The following STS variants were observed in gnomAD, a reference collection of about 807,000 sequenced individuals.
STS encodes the protein steroid sulfatase.
A neutral mutation model predicts 26.8 loss-of-function variants in STS; 7 were observed. The observed-to-expected ratio is 0.26, with a 90% CI of 0.15 to 0.49. The LOEUF (loss-of-function observed/expected upper bound fraction) is 0.49, where lower values mean the gene tolerates loss of function less well. Ranked by LOEUF, STS falls within the 20% of genes least tolerant of loss-of-function variation. The pLI is 0.98. For synonymous variants in STS, 199 were observed against 189.4 expected (o/e 1.05, Z -0.42); for missense variants, 434 against 465.6 (o/e 0.93, Z 0.63).
chrX:7,244,496 GA>G (rs1400152636), intron 2 of STS, among the ~76,000 whole-genome samples: 1 of 111,813 alleles, frequency 8.9e-6, no homozygotes, highest in Non-Finnish European at 1.9e-5. Context: ...GGAGCAGAGG[GA>G]ATGAATTGCA....
intron 1 of STS, among the ~76,000 whole-genome samples, chrX:7,156,852 A>G (rs1205427260): frequency 8.9e-6 from 1 of 112,160 alleles, no homozygotes; most frequent in Non-Finnish European, 1.9e-5. Flanking sequence ...CATGTAACAC[A>G]CATAGGAGGA....
At chrX:7,246,406 A>G (rs1282027772) in intron 2 of STS, among the ~76,000 whole-genome samples, 3 of 109,807 alleles carry the variant, frequency 2.7e-5, no homozygotes, top group African/African-American at 9.9e-5. Context: ...GGTTCGCGCC[A>G]TTCTCCTGCC....
chrX:7,313,959 T>C (rs150041325), intron 8 of STS, among the ~76,000 whole-genome samples: 1,197 of 111,833 alleles, frequency 0.011, 8 homozygotes, highest in Middle Eastern at 0.069. Context: ...ATTTTGCAGG[T>C]TGACGTTTTG....
At chrX:7,250,127 C>T (rs181234455) in intron 2 of STS, among the ~76,000 whole-genome samples, 2 of 110,048 alleles carry the variant, frequency 1.8e-5, no homozygotes, top group African/African-American at 6.6e-5. Context: ...TAGGAACTTA[C>T]ATATTTCCCA....
intron 1 of STS, among the ~76,000 whole-genome samples, chrX:7,154,504 T>C (rs1358025131): frequency 2.7e-5 from 3 of 112,442 alleles, no homozygotes; most frequent in African/African-American, 9.7e-5. Flanking sequence ...TGTTACTTCA[T>C]TGACTCGGCA....
chrX:7,309,625 G>C (rs1025950751), intron 8 of STS, among the ~76,000 whole-genome samples: 1 of 110,850 alleles, frequency 9.0e-6, no homozygotes, highest in Non-Finnish European at 1.9e-5. Flanking sequence ...GGCTAAATTT[G>C]GTAGAATGGC....
chrX:7,289,778 G>A (rs1272030627), intron 7 of STS, among the ~76,000 whole-genome samples: 2 of 111,580 alleles, frequency 1.8e-5, no homozygotes, highest in African/African-American at 6.5e-5. Flanking sequence ...CCAAGTAGCA[G>A]GGACTATAAG....
chrX:7,334,318 G>T (rs1422907255), intron 10 of STS, among the ~76,000 whole-genome samples: 3 of 111,030 alleles, frequency 2.7e-5, no homozygotes, highest in African/African-American at 6.6e-5. Context: ...ACATCAGAAG[G>T]CCATGTCATT....
chrX:7,325,318 A>G (rs1158438996), intron 8 of STS, 21 bp from the exon 9 acceptor site: 3 of 1,208,233 alleles, frequency 2.5e-6, no homozygotes, highest in Non-Finnish European at 3.4e-6. Context: ...GTTGCCTCTT[A>G]CCTCTTTTTT....
chrX:7,306,111 G>A (rs945655835), intron 8 of STS, among the ~76,000 whole-genome samples: 1 of 111,434 alleles, frequency 9.0e-6, no homozygotes, highest in South Asian at 3.8e-4. Context: ...CTACTGGCTT[G>A]TATAGTGTAT....
intron 6 of STS, among the ~76,000 whole-genome samples, chrX:7,260,859 C>A (rs1164077578): frequency 8.9e-6 from 1 of 111,872 alleles, no homozygotes; most frequent in Non-Finnish European, 1.9e-5. Flanking sequence ...AAAACAAAAA[C>A]CTCTGTGAGT....
chrX:7,166,076 C>T (rs1453387246), intron 1 of STS, among the ~76,000 whole-genome samples: 1 of 104,777 alleles, frequency 9.5e-6, no homozygotes, highest in Middle Eastern at 5.0e-3. Context: ...GGCGTGATTA[C>T]GGCTCGCTGC....
intron 2 of STS, among the ~76,000 whole-genome samples, chrX:7,234,067 C>T (rs1446972541): frequency 8.9e-6 from 1 of 112,215 alleles, no homozygotes; most frequent in Non-Finnish European, 1.9e-5. Flanking sequence ...TCTCCTTTTA[C>T]ATCTGCTGCC....
chrX:7,238,649 C>T (rs1922443727), intron 2 of STS, among the ~76,000 whole-genome samples: 1 of 110,567 alleles, frequency 9.0e-6, no homozygotes, highest in Non-Finnish European at 1.9e-5. Context: ...GACTACATAG[C>T]GAGAACCCAT....
intron 2 of STS, among the ~76,000 whole-genome samples, chrX:7,245,361 CCT>C (rs1240658969): frequency 1.8e-5 from 2 of 112,098 alleles, no homozygotes; most frequent in African/African-American, 6.5e-5. Context: ...TGCTTAATTT[CCT>C]CTCTGGTTGA....
chrX:7,299,071 A>G (rs1925819368), intron 7 of STS, among the ~76,000 whole-genome samples: 1 of 94,559 alleles, frequency 1.1e-5, no homozygotes, highest in Non-Finnish European at 2.0e-5. Context: ...TTATTTATAT[A>G]TAAATTATTT....
chrX:7,336,121 T>A (rs1928010507), intron 10 of STS, among the ~76,000 whole-genome samples: 1 of 111,231 alleles, frequency 9.0e-6, no homozygotes, highest in African/African-American at 3.3e-5. Context: ...TTTACACAAT[T>A]ATTGTATGTT....
intron 6 of STS, among the ~76,000 whole-genome samples, chrX:7,261,118 A>G (rs1436921897): frequency 8.9e-6 from 1 of 111,876 alleles, no homozygotes; most frequent in East Asian, 2.8e-4. Context: ...AAGCAAATAA[A>G]AGTATTTTGT....
At chrX:7,219,084 A>G (rs774318532) in intron 2 of STS, among the ~76,000 whole-genome samples, 1 of 111,970 alleles carries the variant, frequency 8.9e-6, no homozygotes, top group Non-Finnish European at 1.9e-5. Context: ...TAGACCTTAA[A>G]ATAAAGCTTA....
Sources: gnomAD v4.1 joint callset for allele counts (sites outside exome capture counted in the v4.1 genomes callset) on GRCh38, gnomAD v4.1.1 for gene constraint, MANE v1.5 for transcripts, NCBI Gene and HGNC (gene_info 2026-07-23, HGNC 2026-07-21) for gene names.